The following S100A2 variants were observed in gnomAD, a reference collection of about 807,000 sequenced individuals.
S100A2 encodes S100 calcium binding protein A2, also known as protein S100-A2.
In S100A2, 5 loss-of-function variants were observed where a neutral mutation model predicts 4.3. The ratio of observed to expected loss-of-function variants is 1.16; its 90% confidence interval spans 0.61 to 2.44. S100A2 has a LOEUF of 2.44. S100A2 is among the 30% of genes most tolerant of loss of function. The pLI, the probability that S100A2 is intolerant of heterozygous loss-of-function variation, is 0.01. For synonymous variants in S100A2, 44 were observed against 46.0 expected (o/e 0.96, Z 0.17); for missense variants, 103 against 114.7 (o/e 0.90, Z 0.47).
chr1:153,563,089 T>C (rs1557899138), intron 2 of S100A2, among the ~76,000 whole-genome samples: 2 of 150,528 alleles, frequency 1.3e-5, no homozygotes, highest in Admixed American at 6.6e-5. Flanking sequence ...GCCTGACCAA[T>C]ATGATGAAAC....
intron 2 of S100A2, among the ~76,000 whole-genome samples, chr1:153,562,937 G>A (rs1350805648): frequency 2.7e-5 from 4 of 149,828 alleles, no homozygotes; most frequent in African/African-American, 4.9e-5. Flanking sequence ...GATCCAGCCT[G>A]GGTGACAGAG....
chr1:153,563,903 G>A lies in S100A2; in HGVS notation c.-10-16C>T, dbSNP rs1325794540. 1 of 1,611,928 alleles carries A rather than the reference G, an allele frequency of 6.2e-7. No homozygotes were observed. Among genetic ancestry groups the A allele is most frequent in the East Asian group, 2.2e-5 (1 of 44,882 alleles). On this transcript the variant is annotated splice_polypyrimidine_tract_variant and intron_variant, in intron 1 of 2. Transcript: ENST00000368708. ...GGATCTGTGGCTGCAGAGGTGCCAGGTGATGGGTACACTGCTGAGGCTCTT... is the reference window on the plus strand; with the variant it reads ...GGATCTGTGGCTGCAGAGGTGCCAGATGATGGGTACACTGCTGAGGCTCTT...
At chr1:153,563,561 G>T (rs1665942618) in intron 2 of S100A2, 173 bp downstream of exon 2, 1 of 1,551,768 alleles carries the variant, frequency 6.4e-7, no homozygotes. Flanking sequence ...CATTAATTAA[G>T]CACTCCCACT....
At position 153,563,762 on chromosome 1, in the gene S100A2, A is replaced by G. The variant is rs967873224; in HGVS notation, c.116T>C (p.Leu39Pro). The part of the protein sequence containing the change: ...KLSKGEMKEL[L>P]HKELPSFVGE... ...CACAAAGCTGGGCAGCTCCTTGTGCAGAAGTTCCTTCATTTCCCCCTTACT... is the reference window on the plus strand; with the variant it reads ...CACAAAGCTGGGCAGCTCCTTGTGCGGAAGTTCCTTCATTTCCCCCTTACT... Residue 39 changes from leucine (L) to proline (P), a missense_variant, in exon 2 of 3, where the codon CTG becomes CCG. By Grantham distance (98) the Leu-to-Pro change is moderately conservative. Transcript: ENST00000368708. 6.2e-7 allele frequency: 1 copy of G among 1,614,050 alleles called. No homozygotes were observed. The highest frequency in any genetic ancestry group is 8.5e-7 in the Non-Finnish European group (1 of 1,180,022).
At chr1:153,563,436 C>T (rs1463083313) in intron 2 of S100A2, 5 of 1,550,306 alleles carry the variant, frequency 3.2e-6, no homozygotes, top group East Asian at 2.4e-5. Flanking sequence ...GATCTTGGGA[C>T]AATCACTTTT....
At chr1:153,562,809 A>C (rs1438744212) in intron 2 of S100A2, among the ~76,000 whole-genome samples, 2 of 151,688 alleles carry the variant, frequency 1.3e-5, no homozygotes, top group African/African-American at 4.8e-5. Flanking sequence ...TGGACAACAT[A>C]GCAAGACTCC....
At chr1:153,564,601 C>CT (rs1303211029) in intron 1 of S100A2, among the ~76,000 whole-genome samples, 1 of 152,036 alleles carries the variant, frequency 6.6e-6, no homozygotes. Flanking sequence ...TGTTCATTGC[C>CT]TTGGGATCAG....
At chr1:153,563,604 A>T in intron 2 of S100A2, 130 bp downstream of exon 2, 1 of 1,560,380 alleles carries the variant, frequency 6.4e-7, no homozygotes, top group Non-Finnish European at 8.7e-7. Context: ...GGAGCCATGA[A>T]GCTAAAGTGG....
chr1:153,563,758 G>C lies in S100A2; in HGVS notation c.120C>G (p.His40Gln), dbSNP rs753488429. 2 of 1,614,064 alleles carry C rather than the reference G, an allele frequency of 1.2e-6. No homozygotes were observed. Among genetic ancestry groups the C allele is most frequent in the African/African-American group, 2.7e-5 (2 of 74,936 alleles). The change falls in exon 2 of 3, where the codon CAC becomes CAG. Residue 40 changes from histidine to glutamine, a missense_variant. Physicochemically the swap from His to Gln is conservative, Grantham distance 24. Coordinates refer to ENST00000368708, the MANE Select transcript of S100A2 (RefSeq NM_005978.4). ...LSKGEMKELLHKELPSFVGEK... is the reference protein window; with the variant it reads ...LSKGEMKELLQKELPSFVGEK... ...CCCCCACAAAGCTGGGCAGCTCCTT[G>C]TGCAGAAGTTCCTTCATTTCCCCCT... is the stretch of plus-strand genomic sequence containing the variant.
At chr1:153,562,995 C>T (rs933811276) in intron 2 of S100A2, among the ~76,000 whole-genome samples, 1 of 148,636 alleles carries the variant, frequency 6.7e-6, no homozygotes. Flanking sequence ...AAAAGGAGTC[C>T]GGGCACGGTG....
At chr1:153,564,780 T>C (rs1490883659) in intron 1 of S100A2, among the ~76,000 whole-genome samples, 1 of 126,570 alleles carries the variant, frequency 7.9e-6, no homozygotes, top group Admixed American at 1.0e-4. Flanking sequence ...CTTTGCTGCT[T>C]GGGGCCATGA....
chr1:153,563,955 C>A, intron 1 of S100A2, 68 bp from the exon 2 acceptor site: 1 of 1,507,008 alleles, frequency 6.6e-7, no homozygotes. Context: ...CTGTAGGATC[C>A]ACTTCTGCCC....
In S100A2 at chr1:153,563,747, G is replaced by C. The variant is rs1285991836; in HGVS notation, c.131C>G (p.Pro44Arg). 6.2e-7 allele frequency: 1 copy of C among 1,613,884 alleles called. No homozygotes were observed. The highest frequency in any genetic ancestry group is 8.5e-7 in the Non-Finnish European group (1 of 1,179,864). The change falls in exon 2 of 3, where the codon CCC (proline) becomes CGC (arginine). Residue 44 changes from proline to arginine, a missense_variant. Coordinates refer to ENST00000368708, the MANE Select transcript of S100A2 (RefSeq NM_005978.4). ...TGTGCCACTCACCCCCACAAAGCTG[G>C]GCAGCTCCTTGTGCAGAAGTTCCTT... The part of the protein sequence containing the change: ...EMKELLHKEL[P>R]SFVGEKVDEE...
At chr1:153,561,713 A>G (rs1242479148) in intron 2 of S100A2, 122 bp from the exon 3 acceptor site, 1 of 1,421,902 alleles carries the variant, frequency 7.0e-7, no homozygotes, top group African/African-American at 1.4e-5. Context: ...GCAGCTGGGT[A>G]TAAGGTGGGC....
intron 1 of S100A2, 143 bp from the exon 2 acceptor site, chr1:153,564,030 T>A: frequency 2.5e-6 from 2 of 810,620 alleles, no homozygotes; most frequent in Non-Finnish European, 3.7e-6. Context: ...CATCTCCCCC[T>A]CAGACTGTGG....
chr1:153,564,053 G>A (rs1206906591), intron 1 of S100A2, 166 bp from the exon 2 acceptor site: 16 of 651,720 alleles, frequency 2.5e-5, no homozygotes, highest in South Asian at 4.4e-5. Context: ...CCCTGAGGCC[G>A]GAGGCGATAC....
Position 153,561,433 on chromosome 1 carries a change from T to G in S100A2, c.*6A>C, listed in dbSNP as rs1415835608. 1.2e-6 allele frequency: 2 copies of G among 1,609,492 alleles called. No individual in the cohort carries two copies. Among genetic ancestry groups the G allele is most frequent in the Admixed American group, 1.7e-5 (1 of 59,840 alleles). On this transcript the variant is annotated 3_prime_UTR_variant, in exon 3 of 3. Transcript: ENST00000368708. ...AGATCCATGGCAGGAAGTCAAGAGTTCTGCTTCAGGGTCGGTCTGGGCAGC... is the reference window on the plus strand; with the variant it reads ...AGATCCATGGCAGGAAGTCAAGAGTGCTGCTTCAGGGTCGGTCTGGGCAGC...
At position 153,561,296 on chromosome 1, in the gene S100A2, C is replaced by T. The variant is rs749928082; in HGVS notation, c.*143G>A. On this transcript the variant is annotated 3_prime_UTR_variant, in exon 3 of 3. Coordinates refer to ENST00000368708, the MANE Select transcript of S100A2 (RefSeq NM_005978.4). ...AGGAGGCCCTCATCTCCCAGCACTC[C>T]AGCTGAGCCAGCCGGGTTATGGAAC... 2.7e-5 allele frequency: 28 copies of T among 1,036,470 alleles called. No homozygotes were observed. Among genetic ancestry groups the T allele is most frequent in the Non-Finnish European group, 3.7e-5 (26 of 710,816 alleles). 64.2% of individuals were successfully genotyped at this position (1,036,470 alleles called of 1,614,324 possible).
At chr1:153,563,641 C>T in intron 2 of S100A2, 93 bp downstream of exon 2, 1 of 1,580,030 alleles carries the variant, frequency 6.3e-7, no homozygotes, top group Non-Finnish European at 8.6e-7. Context: ...CACCCTGGCA[C>T]CTGCATCGAC....
Sources: allele counts gnomAD v4.1 joint callset (sites outside exome capture counted in the v4.1 genomes callset), GRCh38; gene constraint gnomAD v4.1.1; transcripts MANE v1.5; gene names NCBI Gene and HGNC (gene_info 2026-07-23, HGNC 2026-07-21).